KANSL1: variants seen among roughly 807,000 people sequenced by gnomAD.
KANSL1 encodes KAT8 regulatory NSL complex subunit 1, also known as MLL1/MLL complex subunit KANSL1.
Under a neutral mutation model 103.6 loss-of-function variants are expected in KANSL1, and 22 were observed. The ratio of observed to expected loss-of-function variants is 0.21; its 90% CI spans 0.15 to 0.30. KANSL1 has a LOEUF of 0.30. Among genes scored for constraint, KANSL1 ranks in the 10% least tolerant of loss-of-function variants. The pLI is 1.00. For synonymous variants in KANSL1, 600 were observed against 527.6 expected, an observed-to-expected ratio of 1.14 and a Z score of -1.88; for missense variants, 1,337 against 1,399.8, an observed-to-expected ratio of 0.96 and a Z score of 0.72.
intron 1 of KANSL1, among the ~76,000 whole-genome samples, chr17:46,204,646 A>G (rs1301950036): frequency 6.6e-6 from 1 of 152,282 alleles, no homozygotes; most frequent in Admixed American, 6.5e-5. Flanking sequence ...AGACATAGAT[A>G]TCACAAGACA....
chr17:46,156,090 T>C lies in KANSL1; in HGVS notation c.1289+14765A>G, dbSNP rs1341658671. Among the ~76,000 whole-genome samples, 6 of 152,204 alleles carry C rather than the reference T, an allele frequency of 3.9e-5. No homozygotes were observed. The East Asian group carries it at 1.2e-3, about 29-fold the overall frequency. On this transcript the variant is annotated intron_variant, in intron 2 of 14. Transcript: ENST00000432791. ...AGGCGGGCACAGTGGCTCACACTTG[T>C]AATCCCAACACTTTTGGGAGGCCAA...
intron 3 of KANSL1, among the ~76,000 whole-genome samples, chr17:46,090,400 T>C (rs1334752344): frequency 1.3e-5 from 2 of 152,240 alleles, no homozygotes; most frequent in African/African-American, 4.8e-5. Context: ...GAAAAAGAAA[T>C]GTATAAATAC....
At chr17:46,109,189 T>G (rs1198735838) in intron 2 of KANSL1, among the ~76,000 whole-genome samples, 1 of 152,052 alleles carries the variant, frequency 6.6e-6, no homozygotes, top group East Asian at 1.9e-4. Flanking sequence ...CTCAGGTGAT[T>G]CTCCTGCCTC....
chr17:46,169,341 AG>A (rs2046165410), intron 2 of KANSL1, among the ~76,000 whole-genome samples: 1 of 152,280 alleles, frequency 6.6e-6, no homozygotes, highest in Non-Finnish European at 1.5e-5. Context: ...AAATGATAAT[AG>A]AACTAGGTCT....
At position 46,126,509 on chromosome 17, in the gene KANSL1, T is replaced by C. The variant is rs1377940449; in HGVS notation, c.1290-31808A>G. Among the ~76,000 whole-genome samples, 6 of 152,140 alleles carry C rather than the reference T, an allele frequency of 3.9e-5. No homozygotes were observed. The East Asian group carries it at 5.8e-4, about 15-fold the overall frequency. On this transcript the variant is annotated intron_variant, in intron 2 of 14. Transcript: ENST00000432791. The stretch of plus-strand genomic sequence containing the variant: ...CTTTTCTCAATCTTTATGACAAACA[T>C]GTAAGGCATATTGGGTTCTGGATAA...
At chr17:46,145,467 G>T (rs949881913) in intron 2 of KANSL1, among the ~76,000 whole-genome samples, 1 of 152,220 alleles carries the variant, frequency 6.6e-6, no homozygotes, top group Non-Finnish European at 1.5e-5. Context: ...TGGAAAAAAA[G>T]AGCTATCTAG....
intron 1 of KANSL1, among the ~76,000 whole-genome samples, chr17:46,204,969 A>G (rs548109388): frequency 1.3e-5 from 2 of 152,238 alleles, no homozygotes; most frequent in Admixed American, 6.5e-5. Flanking sequence ...CCTATGGGGG[A>G]AAAAAAGAAT....
chr17:46,105,815 G>T (rs1229043374), intron 2 of KANSL1, among the ~76,000 whole-genome samples: 1 of 151,696 alleles, frequency 6.6e-6, no homozygotes, highest in African/African-American at 2.4e-5. Context: ...AGGCTGCAGT[G>T]AGTCGAGACT....
intron 3 of KANSL1, among the ~76,000 whole-genome samples, chr17:46,087,811 G>A (rs531970911): frequency 8.6e-5 from 13 of 151,996 alleles, no homozygotes; most frequent in East Asian, 1.9e-4. Flanking sequence ...CACTTATTTC[G>A]GATAAAGTTT....
chr17:46,049,206 G>T (rs2077619803), intron 7 of KANSL1, among the ~76,000 whole-genome samples: 1 of 135,004 alleles, frequency 7.4e-6, no homozygotes. Flanking sequence ...TCTTAGAAAT[G>T]ATCTCTTTAT....
intron 6 of KANSL1, among the ~76,000 whole-genome samples, chr17:46,059,643 A>G (rs1166610286): frequency 3.8e-4 from 19 of 49,374 alleles, no homozygotes; most frequent in South Asian, 1.5e-3. Context: ...AAAAAAAAAA[A>G]AAAAAGAGAG....
chr17:46,163,771 CT>C (rs2045865395), intron 2 of KANSL1, among the ~76,000 whole-genome samples: 1 of 152,246 alleles, frequency 6.6e-6, no homozygotes, highest in Non-Finnish European at 1.5e-5. Context: ...CAATTTACCT[CT>C]ACATCATTTC....
chr17:46,117,628 A>G (rs1342460325), intron 2 of KANSL1, among the ~76,000 whole-genome samples: 2 of 152,240 alleles, frequency 1.3e-5, no homozygotes, highest in African/African-American at 2.4e-5. Flanking sequence ...TCTAATTCCA[A>G]TGAAAAGCCC....
intron 1 of KANSL1, among the ~76,000 whole-genome samples, chr17:46,183,126 A>G (rs1228929991): frequency 6.6e-6 from 1 of 152,232 alleles, no homozygotes; most frequent in African/African-American, 2.4e-5. Context: ...ATCCAGGCTG[A>G]AACCTAAAGA....
intron 2 of KANSL1, among the ~76,000 whole-genome samples, chr17:46,138,090 T>C (rs1297058985): frequency 6.6e-6 from 1 of 152,216 alleles, no homozygotes; most frequent in Non-Finnish European, 1.5e-5. Flanking sequence ...TCCTGACTCC[T>C]GCCTTGACTC....
At chr17:46,185,727 A>ACACACACG (rs2047000235) in intron 1 of KANSL1, among the ~76,000 whole-genome samples, 3 of 148,546 alleles carry the variant, frequency 2.0e-5, no homozygotes, top group Non-Finnish European at 4.5e-5. Context: ...ACACACACAC[A>ACACACACG]CACACACGGA....
chr17:46,040,482 C>G (rs991622046), intron 7 of KANSL1: 3 of 152,232 alleles, frequency 2.0e-5, no homozygotes, highest in African/African-American at 7.2e-5. Context: ...TCTTATCTTT[C>G]CATTTTCTTA....
chr17:46,146,236 C>T (rs1169580583), intron 2 of KANSL1, among the ~76,000 whole-genome samples: 1 of 152,156 alleles, frequency 6.6e-6, no homozygotes, highest in African/African-American at 2.4e-5. Flanking sequence ...TTTGAATAGA[C>T]GTCTAGTTTT....
intron 2 of KANSL1, among the ~76,000 whole-genome samples, chr17:46,155,317 C>T (rs1325300122): frequency 6.6e-6 from 1 of 152,016 alleles, no homozygotes; most frequent in African/African-American, 2.4e-5. Flanking sequence ...GCGACCATGC[C>T]CAGCTAATTT....
Sources: allele counts gnomAD v4.1 joint callset (sites outside exome capture counted in the v4.1 genomes callset), GRCh38; gene constraint gnomAD v4.1.1; transcripts MANE v1.5; gene names NCBI Gene and HGNC (gene_info 2026-07-23, HGNC 2026-07-21).